The following SEMA6D variants were observed in gnomAD, a reference collection of about 807,000 sequenced individuals.
SEMA6D encodes semaphorin-6D.
SEMA6D carries 35 observed loss-of-function variants against 106.6 expected under a neutral mutation model. The observed-to-expected ratio is 0.33, with a 90% CI of 0.25 to 0.44. SEMA6D has a LOEUF of 0.44. Ranked by LOEUF, SEMA6D falls within the 20% of genes least tolerant of loss-of-function variation. The probability of loss-of-function intolerance (pLI) is 1.00; values close to 1 mark genes in which losing one functional copy is unlikely to be tolerated. For synonymous variants in SEMA6D, 499 were observed against 487.7 expected (o/e 1.02, Z -0.31); for missense variants, 1,185 against 1,345.9 (o/e 0.88, Z 1.87).
chr15:47,744,342 TTATTA>T (rs2080994057), intron 1 of SEMA6D, among the ~76,000 whole-genome samples: 4 of 152,174 alleles, frequency 2.6e-5, no homozygotes, highest in Non-Finnish European at 5.9e-5. Context: ...ACACAGAAGT[TTATTA>T]AATATCAGCT....
intron 1 of SEMA6D, among the ~76,000 whole-genome samples, chr15:47,370,005 G>A (rs2039210395): frequency 6.6e-6 from 1 of 152,202 alleles, no homozygotes; most frequent in African/African-American, 2.4e-5. Context: ...GTCCACATAT[G>A]TTATGTAATC....
At chr15:47,387,646 G>T (rs1250105616) in intron 1 of SEMA6D, among the ~76,000 whole-genome samples, 1 of 152,156 alleles carries the variant, frequency 6.6e-6, no homozygotes, top group Non-Finnish European at 1.5e-5. Context: ...ATCAGGACAG[G>T]CAAAGGTAAG....
chr15:47,236,622 G>A (rs2032561427), intron 1 of SEMA6D, among the ~76,000 whole-genome samples: 1 of 152,080 alleles, frequency 6.6e-6, no homozygotes, highest in Admixed American at 6.6e-5. Flanking sequence ...AATTCTGCCT[G>A]TCTTCAGATG....
chr15:47,525,699 T>G (rs1220139371), intron 3 of SEMA6D, among the ~76,000 whole-genome samples: 2 of 152,118 alleles, frequency 1.3e-5, no homozygotes, highest in Admixed American at 1.3e-4. Flanking sequence ...GGCTGGACCC[T>G]GATTCAAAAT....
At chr15:47,246,468 A>G (rs1395549283) in intron 1 of SEMA6D, among the ~76,000 whole-genome samples, 1 of 152,226 alleles carries the variant, frequency 6.6e-6, no homozygotes, top group Non-Finnish European at 1.5e-5. Flanking sequence ...CAACATAGTC[A>G]TAGCCAAGGT....
chr15:47,741,161 A>G (rs1413582234), intron 1 of SEMA6D, among the ~76,000 whole-genome samples: 1 of 152,158 alleles, frequency 6.6e-6, no homozygotes, highest in East Asian at 1.9e-4. Context: ...CTTCTGTGTT[A>G]TCTTTCTCTG....
chr15:47,512,429 A>G (rs973818139), intron 3 of SEMA6D, among the ~76,000 whole-genome samples: 2 of 152,184 alleles, frequency 1.3e-5, no homozygotes, highest in African/African-American at 4.8e-5. Flanking sequence ...CCAGGAGGCA[A>G]TGAGTGTAAA....
intron 4 of SEMA6D, among the ~76,000 whole-genome samples, chr15:47,689,851 G>A (rs950670459): frequency 2.2e-4 from 34 of 152,230 alleles, no homozygotes; most frequent in African/African-American, 6.7e-4. Context: ...TGAGCTTGCC[G>A]GGGCACACAG....
intron 1 of SEMA6D, among the ~76,000 whole-genome samples, chr15:47,230,093 C>G (rs1242005378): frequency 1.3e-5 from 2 of 151,942 alleles, no homozygotes; most frequent in African/African-American, 2.4e-5. Context: ...GTTTTTACTT[C>G]AGGCCTCTCT....
intron 1 of SEMA6D, among the ~76,000 whole-genome samples, chr15:47,749,765 T>C (rs560746278): frequency 3.9e-5 from 6 of 152,238 alleles, no homozygotes; most frequent in Non-Finnish European, 7.4e-5. Context: ...GATTAGTGAA[T>C]TGGTGGTAGT....
At chr15:47,563,225 G>T (rs151061480) in intron 3 of SEMA6D, among the ~76,000 whole-genome samples, 1 of 152,128 alleles carries the variant, frequency 6.6e-6, no homozygotes, top group East Asian at 1.9e-4. Flanking sequence ...AAATTTTATT[G>T]TGTGATGGGC....
chr15:47,274,545 A>G (rs1178864453), intron 1 of SEMA6D, among the ~76,000 whole-genome samples: 5 of 152,234 alleles, frequency 3.3e-5, no homozygotes, highest in African/African-American at 4.8e-5. Context: ...AATAAAAGCT[A>G]AGAAAAGTTG....
intron 1 of SEMA6D, among the ~76,000 whole-genome samples, chr15:47,205,551 T>C (rs1895004822): frequency 6.6e-6 from 1 of 152,112 alleles, no homozygotes; most frequent in African/African-American, 2.4e-5. Context: ...CTGAAATGCA[T>C]AAAATATTAT....
chr15:47,691,129 A>G (rs2078578049), intron 4 of SEMA6D, among the ~76,000 whole-genome samples: 1 of 152,204 alleles, frequency 6.6e-6, no homozygotes, highest in Admixed American at 6.5e-5. Flanking sequence ...ACTTGATATC[A>G]ATGTTTTAAT....
intron 1 of SEMA6D, among the ~76,000 whole-genome samples, chr15:47,389,028 T>C (rs2039939822): frequency 6.6e-6 from 1 of 152,202 alleles, no homozygotes. Flanking sequence ...ATGTTTTTTT[T>C]CTGCGGGTCC....
chr15:47,597,231 G>A (rs565422949), intron 3 of SEMA6D, among the ~76,000 whole-genome samples: 24 of 152,178 alleles, frequency 1.6e-4, no homozygotes, highest in African/African-American at 4.3e-4. Flanking sequence ...AAATATTGGC[G>A]AGGATGGGGG....
At chr15:47,197,970 T>C (rs1566920432) in intron 1 of SEMA6D, among the ~76,000 whole-genome samples, 1 of 151,616 alleles carries the variant, frequency 6.6e-6, no homozygotes. Context: ...AAAGGCTTAC[T>C]GTCCTAGAAA....
At chr15:47,570,325 C>A (rs536690702) in intron 3 of SEMA6D, among the ~76,000 whole-genome samples, 1 of 152,044 alleles carries the variant, frequency 6.6e-6, no homozygotes. Flanking sequence ...AGGTGGCCCG[C>A]GGCCATTACT....
At chr15:47,279,491 C>A (rs2035001488) in intron 1 of SEMA6D, among the ~76,000 whole-genome samples, 2 of 148,806 alleles carry the variant, frequency 1.3e-5, no homozygotes, top group Non-Finnish European at 3.0e-5. Flanking sequence ...ATTTGATTTC[C>A]TCTTTTCCTA....
Sources: allele counts gnomAD v4.1 joint callset (sites outside exome capture counted in the v4.1 genomes callset), GRCh38; gene constraint gnomAD v4.1.1; transcripts MANE v1.5; gene names NCBI Gene and HGNC (gene_info 2026-07-23, HGNC 2026-07-21).